ATP2B1: variants seen among roughly 807,000 people sequenced by gnomAD.
The protein encoded by ATP2B1 is ATPase plasma membrane Ca2+ transporting 1, also known as plasma membrane calcium-transporting ATPase 1.
In ATP2B1, 14 loss-of-function variants were observed where a neutral mutation model predicts 124.2. The ratio of observed to expected loss-of-function variants is 0.11; its 90% CI spans 0.07 to 0.18. The LOEUF (loss-of-function observed/expected upper bound fraction) is 0.18, where lower values mean the gene tolerates loss of function less well. Among genes scored for constraint, ATP2B1 ranks in the 10% least tolerant of loss-of-function variants. The pLI is 1.00. For missense variants in ATP2B1, 763 were observed against 1,466.1 expected, an observed-to-expected ratio of 0.52 and a Z score of 7.83; for synonymous variants, 449 against 492.4, an observed-to-expected ratio of 0.91 and a Z score of 1.17.
chr12:89,634,840 G>A lies in ATP2B1; in HGVS notation c.725C>T (p.Ser242Leu). 6.2e-7 allele frequency: 1 copy of A among 1,612,818 alleles called. No homozygotes were observed. Among genetic ancestry groups the A allele is most frequent in the Non-Finnish European group, 8.5e-7 (1 of 1,179,326 alleles). The change falls in exon 5 of 21, where the codon TCA becomes TTA. Residue 242 changes from serine to leucine, a missense_variant. Coordinates refer to ENST00000428670, the MANE Select transcript of ATP2B1 (RefSeq NM_001366521.1). ...QGNDLKIDES[S>L]LTGESDHVKK... The stretch of plus-strand genomic sequence containing the variant: ...AACATGATCTGATTCACCAGTCAAT[G>A]AGCTTTCATCAATTTTAAGATCGTT...
intron 12 of ATP2B1, among the ~76,000 whole-genome samples, chr12:89,612,366 A>C (rs1878171274): frequency 6.6e-6 from 1 of 151,974 alleles, no homozygotes; most frequent in Non-Finnish European, 1.5e-5. Flanking sequence ...ATCCTACTGG[A>C]GCAGGGGTTG....
chr12:89,598,202 A>G (rs1426449341), intron 20 of ATP2B1, among the ~76,000 whole-genome samples: 1 of 152,164 alleles, frequency 6.6e-6, no homozygotes, highest in African/African-American at 2.4e-5. Context: ...TGAAAATGCA[A>G]TTTCCTGGTT....
chr12:89,674,940 T>C (rs1888434714), intron 1 of ATP2B1, among the ~76,000 whole-genome samples: 1 of 152,224 alleles, frequency 6.6e-6, no homozygotes, highest in African/African-American at 2.4e-5. Context: ...CACTAGCCGT[T>C]ACATAAAGTA....
chr12:89,635,234 C>G lies in ATP2B1; in HGVS notation c.424G>C (p.Val142Leu). 1.2e-6 allele frequency: 2 copies of G among 1,612,560 alleles called. No individual in the cohort carries two copies. Among genetic ancestry groups the G allele is most frequent in the Non-Finnish European group, 1.7e-6 (2 of 1,179,622 alleles). The change falls in exon 4 of 21, where the codon GTT becomes CTT. Residue 142 changes from valine to leucine, a missense_variant. Physicochemically the swap from Val to Leu is conservative, Grantham distance 32. Transcript: ENST00000428670. ...GDNALCGEVS[V>L]GEEEGEGETG... is the part of the protein sequence containing the mutation. Reference sequence around the variant, plus strand: ...TCACCTTCACCTTCTTCCTCCCCAACAGAAACTTCTCCACAAACTATTTGG... The same window carrying G: ...TCACCTTCACCTTCTTCCTCCCCAAGAGAAACTTCTCCACAAACTATTTGG...
At chr12:89,669,084 T>C (rs1887628675) in intron 1 of ATP2B1, among the ~76,000 whole-genome samples, 1 of 152,212 alleles carries the variant, frequency 6.6e-6, no homozygotes, top group South Asian at 2.1e-4. Context: ...ACTCAGTATG[T>C]ACTGCATTTT....
intron 2 of ATP2B1, among the ~76,000 whole-genome samples, chr12:89,647,592 T>C (rs1398787419): frequency 1.3e-5 from 2 of 152,222 alleles, no homozygotes; most frequent in African/African-American, 4.8e-5. Context: ...TACTACAGTC[T>C]TATCAAATTC....
intron 3 of ATP2B1, among the ~76,000 whole-genome samples, chr12:89,637,922 C>T (rs1882947741): frequency 6.6e-6 from 1 of 152,010 alleles, no homozygotes; most frequent in African/African-American, 2.4e-5. Flanking sequence ...ACATGGATAT[C>T]CATCACTAAA....
intron 2 of ATP2B1, among the ~76,000 whole-genome samples, chr12:89,654,150 T>C (rs1234617446): frequency 6.6e-6 from 1 of 152,192 alleles, no homozygotes; most frequent in East Asian, 1.9e-4. Context: ...CAAAGTCGGT[T>C]TGCATAATGA....
chr12:89,592,445 A>G (rs1341923384), intron 20 of ATP2B1, among the ~76,000 whole-genome samples: 18 of 152,088 alleles, frequency 1.2e-4, no homozygotes. Flanking sequence ...CTTCAAATGA[A>G]CATGTGAATG....
At position 89,603,599 on chromosome 12, in the gene ATP2B1, G is replaced by C. The variant is rs1876290266; in HGVS notation, c.2848+113C>G. 9.5e-7 allele frequency: 1 copy of C among 1,049,248 alleles called. No homozygotes were observed. Among genetic ancestry groups the C allele is most frequent in the Non-Finnish European group, 1.4e-6 (1 of 722,572 alleles). 65.0% of individuals were successfully genotyped at this position (1,049,248 alleles called of 1,614,324 possible). ...TTAAGAAGAAATTAAAGATAAATGG[G>C]AAGTCAGGAGTAGAATTTAGGCTCT... On this transcript the variant is annotated intron_variant, in intron 17 of 20. Coordinates refer to ENST00000428670, the MANE Select transcript of ATP2B1 (RefSeq NM_001366521.1). This position sits in a 1 kb window ranked among gnomAD's most constrained non-coding sequence, Gnocchi z 4.3.
intron 20 of ATP2B1, chr12:89,598,491 A>C: frequency 1.5e-6 from 2 of 1,359,408 alleles, no homozygotes; most frequent in East Asian, 2.4e-5. Flanking sequence ...TTTATGAAAA[A>C]GCCTGAACAA....
At chr12:89,660,817 G>A (rs1214127477) in intron 1 of ATP2B1, among the ~76,000 whole-genome samples, 1 of 152,052 alleles carries the variant, frequency 6.6e-6, no homozygotes, top group Non-Finnish European at 1.5e-5. Flanking sequence ...CCCCAGATGA[G>A]GAAGACCTCA....
chr12:89,639,643 TTA>T (rs993233041), intron 3 of ATP2B1, among the ~76,000 whole-genome samples: 11 of 151,762 alleles, frequency 7.2e-5, no homozygotes, highest in Admixed American at 3.3e-4. Context: ...AAAAAAATCT[TTA>T]TATGTTTCAT....
chr12:89,611,909 T>C (rs1376057169), intron 12 of ATP2B1: 2 of 152,274 alleles, frequency 1.3e-5, no homozygotes, highest in Non-Finnish European at 2.9e-5. Flanking sequence ...TAGTTCCACC[T>C]GTAAAGTGGG....
At chr12:89,696,358 G>A (rs183779349) in intron 1 of ATP2B1, among the ~76,000 whole-genome samples, 2 of 152,058 alleles carry the variant, frequency 1.3e-5, no homozygotes, top group East Asian at 3.9e-4. Flanking sequence ...CATAAATGAA[G>A]ACAAACATAT....
At chr12:89,659,053 A>C (rs912808167) in intron 1 of ATP2B1, among the ~76,000 whole-genome samples, 17 of 152,186 alleles carry the variant, frequency 1.1e-4, no homozygotes, top group African/African-American at 3.4e-4. Flanking sequence ...CAAAAATACG[A>C]AGGACAATAA....
At chr12:89,670,194 G>T (rs1887769620) in intron 1 of ATP2B1, among the ~76,000 whole-genome samples, 1 of 152,142 alleles carries the variant, frequency 6.6e-6, no homozygotes, top group South Asian at 2.1e-4. Flanking sequence ...CTGACATACT[G>T]TAAATGGACA....
At chr12:89,648,494 C>G (rs924975428) in intron 2 of ATP2B1, among the ~76,000 whole-genome samples, 1 of 152,174 alleles carries the variant, frequency 6.6e-6, no homozygotes, top group Non-Finnish European at 1.5e-5. Context: ...GCAAAACATT[C>G]AAGAACAGGC....
intron 6 of ATP2B1, among the ~76,000 whole-genome samples, chr12:89,630,278 T>C (rs1327100504): frequency 1.3e-5 from 2 of 152,192 alleles, no homozygotes; most frequent in East Asian, 3.8e-4. Context: ...AGAGAATAAA[T>C]GCAAGAATGC....
Sources: allele counts gnomAD v4.1 joint callset (sites outside exome capture counted in the v4.1 genomes callset), GRCh38; gene constraint gnomAD v4.1.1; non-coding constraint Gnocchi (gnomAD v3.1); transcripts MANE v1.5; gene names NCBI Gene and HGNC (gene_info 2026-07-23, HGNC 2026-07-21).